Variants in SELP observed in about 807,000 individuals in gnomAD.
SELP encodes the protein P-selectin.
In SELP, 92 loss-of-function variants were observed where a neutral mutation model predicts 104.1. The observed-to-expected ratio is 0.88, with a 90% CI of 0.75 to 1.05. SELP has a LOEUF of 1.05. SELP is among the 50% of genes least tolerant of loss of function. The probability of loss-of-function intolerance (pLI) is 0.00; values close to 1 mark genes in which losing one functional copy is unlikely to be tolerated. For synonymous variants in SELP, 397 were observed against 364.5 expected (o/e 1.09, Z -1.01); for missense variants, 1,022 against 1,017.3 (o/e 1.00, Z -0.06).
At chr1:169,614,802 AG>A in intron 3 of SELP, among the ~76,000 whole-genome samples, 1 of 152,328 alleles carries the variant, frequency 6.6e-6, no homozygotes, top group South Asian at 2.1e-4. Flanking sequence ...GACACTGGGA[AG>A]GGTTCAAATA....
chr1:169,603,341 G>GAT, intron 9 of SELP, 130 bp from the exon 10 acceptor site: 1 of 678,630 alleles, frequency 1.5e-6, no homozygotes, highest in Admixed American at 3.2e-5. Flanking sequence ...GTGTGTGTGT[G>GAT]TGTGTGTGAT....
chr1:169,613,125 C>CA lies in SELP; in HGVS notation c.590-12dup. The stretch of plus-strand genomic sequence containing the variant: ...CTCCACACTCTCTCACTGCAGGAGA[C>CA]AAAATAGTGATTTTTATTTTCCATG... On this transcript the variant is annotated splice_polypyrimidine_tract_variant and intron_variant, in intron 4 of 16. Transcript: ENST00000263686. 4.5e-6 allele frequency: 7 copies of CA among 1,565,676 alleles called. No homozygotes were observed. The highest frequency in any genetic ancestry group is 1.9e-5 in the Admixed American group (1 of 51,422).
intron 10 of SELP, among the ~76,000 whole-genome samples, chr1:169,597,678 G>T (rs1314900812): frequency 6.6e-6 from 1 of 152,082 alleles, no homozygotes; most frequent in African/African-American, 2.4e-5. Context: ...CTCACTAATT[G>T]TTTTGTTTAT....
chr1:169,610,163 A>G (rs1662442001), intron 7 of SELP, among the ~76,000 whole-genome samples: 1 of 150,742 alleles, frequency 6.6e-6, no homozygotes, highest in Non-Finnish European at 1.5e-5. Context: ...TATACAGGAA[A>G]ATGCTGGACT....
chr1:169,615,323 G>A (rs1240949247), intron 3 of SELP, among the ~76,000 whole-genome samples: 1 of 152,212 alleles, frequency 6.6e-6, no homozygotes, highest in African/African-American at 2.4e-5. Context: ...GCTGCTTAGA[G>A]TACTGTGTTG....
At position 169,613,670 on chromosome 1, in the gene SELP, TGCAGGACATGTCCTG is replaced by T; in HGVS notation, c.490_504del (p.Gln164_Cys168del). The T allele has an allele frequency of 6.2e-6, 10 of 1,613,962 alleles. No individual in the cohort carries two copies. The highest frequency in any genetic ancestry group is 8.5e-6 in the Non-Finnish European group (10 of 1,179,844). On this transcript the variant is annotated inframe_deletion, in exon 4 of 17. Transcript: ENST00000263686. The stretch of plus-strand genomic sequence containing the variant: ...GTCTCGAGGCACTCTCCTTGTTTGC[TGCAGGACATGTCCTG>T]GCAGGAGGCTGCATAGATATGGAAA...
intron 2 of SELP, among the ~76,000 whole-genome samples, chr1:169,618,292 T>C (rs1662924577): frequency 6.6e-6 from 1 of 152,192 alleles, no homozygotes; most frequent in Non-Finnish European, 1.5e-5. Context: ...GTCTTTCCAT[T>C]CTTCTTGGCT....
In SELP at chr1:169,617,256, AG is replaced by A. The variant is rs1275607456; in HGVS notation, c.252del (p.Tyr85ThrfsTer67). On this transcript the variant is annotated frameshift_variant, in exon 3 of 17. Transcript: ENST00000263686. LOFTEE classifies it high-confidence loss of function. ...NEIDYLNKVLPYYSSYYWIGI... is the reference protein window; with the variant it reads ...NEIDYLNKVLXYYSSYYWIGI... ...CCAATCCAGTAGTAGGAGCTGTAGT[AG>A]GGTAGGACCTTATTGAGGTAATCAA... The A allele has an allele frequency of 6.2e-7, 1 of 1,614,128 alleles. No individual in the cohort carries two copies. The highest frequency in any genetic ancestry group is 2.2e-5 in the East Asian group (1 of 44,886).
At position 169,611,537 on chromosome 1, in the gene SELP, A is replaced by G; in HGVS notation, c.1102T>C (p.Cys368Arg). The change falls in exon 7 of 17, where the codon TGC becomes CGC. Residue 368 changes from cysteine to arginine, a missense_variant. By Grantham distance (180) the Cys-to-Arg change is radical. Transcript: ENST00000263686. ...GCAGACCAGTGTCCAGAGTCAATGC[A>G]GCGGAGCATGTCCAAGCCCCTCACT... ...YRVRGLDMLR[C>R]IDSGHWSAPL... is the part of the protein sequence containing the mutation. The G allele has an allele frequency of 6.2e-7, 1 of 1,614,114 alleles. No homozygotes were observed. The highest frequency in any genetic ancestry group is 8.5e-7 in the Non-Finnish European group (1 of 1,180,006).
At chr1:169,601,138 G>A (rs1385451620) in intron 10 of SELP, among the ~76,000 whole-genome samples, 1 of 152,182 alleles carries the variant, frequency 6.6e-6, no homozygotes, top group Non-Finnish European at 1.5e-5. Context: ...TAGAACTTAT[G>A]AGAAATGTCA....
rs1662536030 is a variant in SELP, at chr1:169,611,579, A to C, written c.1060T>G (p.Cys354Gly). Reference protein sequence around the residue: ...FAYGSSCKFECQPGYRVRGLD... With the variant: ...FAYGSSCKFEGQPGYRVRGLD... ...CCCCTCACTCTGTAGCCGGGCTGGC[A>C]CTCAAATTTACAGCTGGAGCCATAG... Residue 354 changes from cysteine to glycine, a missense_variant, in exon 7 of 17, where the codon TGC (cysteine) becomes GGC (glycine). Physicochemically the swap from Cys to Gly is radical, Grantham distance 159. Transcript: ENST00000263686. 6.2e-7 allele frequency: 1 copy of C among 1,614,084 alleles called. No homozygotes were observed. Among genetic ancestry groups the C allele is most frequent in the Non-Finnish European group, 8.5e-7 (1 of 1,180,014 alleles).
At chr1:169,608,291 C>T (rs1409421822) in intron 8 of SELP, among the ~76,000 whole-genome samples, 1 of 151,968 alleles carries the variant, frequency 6.6e-6, no homozygotes, top group Non-Finnish European at 1.5e-5. Flanking sequence ...CCACCATCAC[C>T]ATTATTCATC....
At chr1:169,624,735 C>A (rs1048800467) in intron 1 of SELP, among the ~76,000 whole-genome samples, 1 of 152,044 alleles carries the variant, frequency 6.6e-6, no homozygotes, top group Non-Finnish European at 1.5e-5. Flanking sequence ...GAGACTCTTT[C>A]TCAAAAAACA....
chr1:169,627,082 G>A (rs1663408471), intron 1 of SELP, among the ~76,000 whole-genome samples: 1 of 152,156 alleles, frequency 6.6e-6, no homozygotes, highest in Non-Finnish European at 1.5e-5. Context: ...GACAGGTTTG[G>A]TCTGGCATCA....
rs780514618 is a variant in SELP at position 169,597,014 on chromosome 1, G to T, written c.1868C>A (p.Ser623Ter). The T allele has an allele frequency of 3.7e-6, 6 of 1,612,426 alleles. No individual in the cohort carries two copies. The highest frequency in any genetic ancestry group is 5.1e-6 in the Non-Finnish European group (6 of 1,179,144). Residue 623 changes from serine (S) to a stop codon, truncating the protein, a stop_gained, in exon 11 of 17, where the codon TCA (serine) becomes TAA (stop). Transcript: ENST00000263686. LOFTEE classifies it high-confidence loss of function. ...NVECTTSGRW[S>*]ATPPTCKGIA... ...ACCTTTGCAGGTTGGTGGAGTAGCT[G>T]ACCATCTTCCAGAAGTTGTGCATTC...
At chr1:169,618,442 C>G (rs1308245404) in intron 2 of SELP, among the ~76,000 whole-genome samples, 3 of 152,188 alleles carry the variant, frequency 2.0e-5, no homozygotes, top group Non-Finnish European at 4.4e-5. Flanking sequence ...TATAAAGGTA[C>G]TACAGCACTC....
intron 8 of SELP, among the ~76,000 whole-genome samples, chr1:169,607,641 C>T (rs1359355702): frequency 6.6e-6 from 1 of 152,080 alleles, no homozygotes; most frequent in South Asian, 2.1e-4. Context: ...ATAATATACA[C>T]CATGATCTCA....
chr1:169,605,738 A>G lies in SELP; in HGVS notation c.1519+1211T>C, dbSNP rs919980608. The stretch of plus-strand genomic sequence containing the variant: ...AGCGGAGAAAATATTGGAAGAATTC[A>G]TACCAGAAGCCTAACAGTGTCTATT... On this transcript the variant is annotated intron_variant, in intron 9 of 16. Transcript: ENST00000263686. Among the ~76,000 whole-genome samples the G allele has an allele frequency of 2.0e-5, 3 of 152,220 alleles. No individual in the cohort carries two copies. In the East Asian group the frequency reaches 5.8e-4, roughly 29 times the overall value.
intron 3 of SELP, among the ~76,000 whole-genome samples, chr1:169,616,824 T>A (rs1662836414): frequency 6.6e-6 from 1 of 152,190 alleles, no homozygotes; most frequent in Non-Finnish European, 1.5e-5. Context: ...AAAATTTCCC[T>A]CTAGTTTTAA....
Sources: allele counts gnomAD v4.1 joint callset (sites outside exome capture counted in the v4.1 genomes callset), GRCh38; gene constraint gnomAD v4.1.1; transcripts MANE v1.5; gene names NCBI Gene and HGNC (gene_info 2026-07-23, HGNC 2026-07-21).